Variants in BRPF1 observed in about 807,000 individuals in gnomAD.
BRPF1 encodes peregrin.
Under a neutral mutation model 115.0 loss-of-function variants are expected in BRPF1, and 15 were observed. That is an observed-to-expected ratio of 0.13 (90% confidence interval 0.09 to 0.20). BRPF1 has a LOEUF of 0.20. Ranked by LOEUF, BRPF1 falls within the 10% of genes least tolerant of loss-of-function variation. The probability of loss-of-function intolerance (pLI) is 1.00; values close to 1 mark genes in which losing one functional copy is unlikely to be tolerated. For missense variants in BRPF1, 1,118 were observed against 1,638.3 expected (o/e 0.68, Z 5.48); for synonymous variants, 647 against 619.8 (o/e 1.04, Z -0.65).
Position 9,747,435 on chromosome 3 carries a change from C to T in BRPF1, c.*86C>T. 6.6e-7 allele frequency: 1 copy of T among 1,504,492 alleles called. No individual in the cohort carries two copies. The highest frequency in any genetic ancestry group is 2.3e-5 in the East Asian group (1 of 43,774). The allele number at this position is 1,504,492 out of a possible 1,614,324, so 93.2% of individuals were successfully genotyped here. A position where few individuals can be genotyped will look rare whatever the true frequency, so the allele number is the denominator to read the frequency against. ...TGTCCTGGAGTGGCACCGGCCTCTG[C>T]ACTGACTCATTTCTGGTCTTGGGGC... is the stretch of plus-strand genomic sequence containing the variant. On this transcript the variant is annotated 3_prime_UTR_variant, in exon 14 of 14. Transcript: ENST00000383829. The surrounding 1 kb of genome is among the most constrained non-coding windows in gnomAD (Gnocchi z 5.6).
At chr3:9,741,180 T>C (rs1191649979) in intron 4 of BRPF1, 128 bp from the exon 5 acceptor site, 2 of 1,228,920 alleles carry the variant, frequency 1.6e-6, no homozygotes, top group African/African-American at 1.5e-5. Context: ...ACACACAGAT[T>C]GAGGCACTAC....
rs1288739229 is a variant in BRPF1, at chr3:9,739,687, G to A, written c.1288G>A (p.Gly430Ser). Residue 430 changes from glycine to serine, a missense_variant, in exon 3 of 14, where the codon GGC (glycine) becomes AGC (serine). Gly to Ser is a moderately conservative substitution (Grantham distance 56, BLOSUM62 0). Around this residue, in one of 10 missense-constraint regions of BRPF1, gnomAD observed 87 missense variants for 93.4 expected, o/e 0.93. Coordinates refer to ENST00000383829, the MANE Select transcript of BRPF1 (RefSeq NM_001003694.2). ...YMKMEPVRETGANGTSFSVRK... is the reference protein window; with the variant it reads ...YMKMEPVRETSANGTSFSVRK... ...GAAGATGGAGCCTGTGCGGGAGACAGGCGCCAACGGCACCTCTTTCAGTGT... is the reference window on the plus strand; with the variant it reads ...GAAGATGGAGCCTGTGCGGGAGACAAGCGCCAACGGCACCTCTTTCAGTGT... 1 of 1,613,366 alleles carries A rather than the reference G, an allele frequency of 6.2e-7. No individual in the cohort carries two copies.
Position 9,745,004 on chromosome 3 carries a change from C to G in BRPF1, c.2921-4C>G. The G allele has an allele frequency of 6.2e-7, 1 of 1,614,192 alleles. No homozygotes were observed. Among genetic ancestry groups the G allele is most frequent in the African/African-American group, 1.3e-5 (1 of 75,048 alleles). On this transcript the variant is annotated splice_region_variant and splice_polypyrimidine_tract_variant and intron_variant, in intron 9 of 13. Coordinates refer to ENST00000383829, the MANE Select transcript of BRPF1 (RefSeq NM_001003694.2). The surrounding 1 kb of genome is among the most constrained non-coding windows in gnomAD (Gnocchi z 5.1). Reference sequence around the variant, plus strand: ...CTTCCCTCCTCCCCTTCCCTTCAACCAAGACTTACCAGCCAATGGCTTCAG... The same window carrying G: ...CTTCCCTCCTCCCCTTCCCTTCAACGAAGACTTACCAGCCAATGGCTTCAG...
chr3:9,739,064 A>C lies in BRPF1; in HGVS notation c.665A>C (p.Tyr222Ser), dbSNP rs753195868. 3 of 1,612,288 alleles carry C rather than the reference A, an allele frequency of 1.9e-6. No homozygotes were observed. The highest frequency in any genetic ancestry group is 1.7e-5 in the Admixed American group (1 of 59,854). Residue 222 changes from tyrosine to serine, a missense_variant, in exon 3 of 14, where the codon TAC (tyrosine) becomes TCC (serine). By Grantham distance (144) the Tyr-to-Ser change is moderately radical. Coordinates refer to ENST00000383829, the MANE Select transcript of BRPF1 (RefSeq NM_001003694.2). ...EVEYDMDEED[Y>S]IWLDIMNERR... is the part of the protein sequence containing the mutation. ...GAGTATGACATGGACGAGGAGGACT[A>C]CATCTGGCTGGATATCATGAATGAG...
Position 9,740,779 on chromosome 3 carries a change from G to A in BRPF1, c.1560G>A (p.Arg520=). 6.2e-7 allele frequency: 1 copy of A among 1,613,786 alleles called. No individual in the cohort carries two copies. The highest frequency in any genetic ancestry group is 8.5e-7 in the Non-Finnish European group (1 of 1,179,730). ...VVSVPCIPPH[R]LSKITNRLTI... Reference sequence around the variant, plus strand: ...TTACTCTTTGTTTCCTGCCTCCCAGGCTTAGTAAAATCACCAACCGCCTGA... The same window carrying A: ...TTACTCTTTGTTTCCTGCCTCCCAGACTTAGTAAAATCACCAACCGCCTGA... The change falls in exon 4 of 14, where the codon AGG becomes AGA. Residue 520 remains arginine, a splice_region_variant and synonymous_variant. Transcript: ENST00000383829.
chr3:9,746,481 T>C, intron 13 of BRPF1, 27 bp downstream of exon 13: 2 of 1,539,608 alleles, frequency 1.3e-6, no homozygotes, highest in Non-Finnish European at 1.8e-6. Flanking sequence ...TTGGTGTGAC[T>C]CACAGCCACA....
rs2077083720 is a variant in BRPF1 at position 9,744,243 on chromosome 3, C to T, written c.2655C>T (p.Ser885=). 3.9e-6 allele frequency: 6 copies of T among 1,552,774 alleles called. No homozygotes were observed. Among genetic ancestry groups the T allele is most frequent in the African/African-American group, 1.4e-5 (1 of 72,518 alleles). ...CTCCAGGCCTGGGTCCCAACATGTC[C>T]TCAACCCCCGCACATGAGGTGGGCA... is the stretch of plus-strand genomic sequence containing the variant. ...ETSKGLGPNM[S]STPAHEVGRR... The change falls in exon 9 of 14, where the codon TCC becomes TCT. Residue 885 remains serine (S), a synonymous_variant. Coordinates refer to ENST00000383829, the MANE Select transcript of BRPF1 (RefSeq NM_001003694.2).
At chr3:9,741,184 G>A in intron 4 of BRPF1, 124 bp from the exon 5 acceptor site, 2 of 1,247,054 alleles carry the variant, frequency 1.6e-6, no homozygotes, top group Non-Finnish European at 2.2e-6. Context: ...ACAGATTGAG[G>A]CACTACCAAT....
Position 9,745,741 on chromosome 3 carries a change from G to A in BRPF1, c.3205+32G>A. 2.5e-6 allele frequency: 4 copies of A among 1,612,118 alleles called. No homozygotes were observed. Among genetic ancestry groups the A allele is most frequent in the Non-Finnish European group, 3.4e-6 (4 of 1,178,268 alleles). ...TCCCTTGCCCAAGGCCAGGGATGCT[G>A]GGGACCCAGTGTCAGGGTCTCGCCA... On this transcript the variant is annotated intron_variant, in intron 11 of 13. Transcript: ENST00000383829. This position sits in a 1 kb window ranked among gnomAD's most constrained non-coding sequence, Gnocchi z 5.1.
chr3:9,733,947 A>G (rs901793276), intron 1 of BRPF1, among the ~76,000 whole-genome samples, 184 bp from the exon 2 acceptor site: 1 of 152,190 alleles, frequency 6.6e-6, no homozygotes, highest in African/African-American at 2.4e-5. Flanking sequence ...TAACCAGGCA[A>G]GAGGTGATGA....
At chr3:9,742,384 C>T in intron 6 of BRPF1, 2 of 985,422 alleles carry the variant, frequency 2.0e-6, no homozygotes, top group Non-Finnish European at 2.4e-6. Flanking sequence ...GCACTCCTTC[C>T]CCAGAGGCAG....
chr3:9,741,038 C>G lies in BRPF1; in HGVS notation c.1722+97C>G. On this transcript the variant is annotated intron_variant, in intron 4 of 13. Coordinates refer to ENST00000383829, the MANE Select transcript of BRPF1 (RefSeq NM_001003694.2). Reference sequence around the variant, plus strand: ...AGTTTCCAGTGTCAGAGGGCTTAGACTCTTTCCTCCTTTAAGCTAGCCCTC... The same window carrying G: ...AGTTTCCAGTGTCAGAGGGCTTAGAGTCTTTCCTCCTTTAAGCTAGCCCTC... The G allele has an allele frequency of 2.3e-6, 3 of 1,320,768 alleles. No individual in the cohort carries two copies. The South Asian group carries it at 3.9e-5, about 17-fold the overall frequency. The allele number at this position is 1,320,768 out of a possible 1,614,324, so 81.8% of individuals were successfully genotyped here. A position where few individuals can be genotyped will look rare whatever the true frequency, so the allele number is the denominator to read the frequency against.
In BRPF1 at chr3:9,739,689, C is replaced by T. The variant is rs143662444; in HGVS notation, c.1290C>T (p.Gly430=). The T allele has an allele frequency of 9.8e-5, 158 of 1,613,358 alleles. 1 individual carries two copies. The highest frequency in any genetic ancestry group is 8.9e-5 in the East Asian group (4 of 44,848). Residue 430 remains glycine (G), a synonymous_variant, in exon 3 of 14, where the codon GGC becomes GGT. Transcript: ENST00000383829. ...YMKMEPVRET[G]ANGTSFSVRK... Reference sequence around the variant, plus strand: ...AGATGGAGCCTGTGCGGGAGACAGGCGCCAACGGCACCTCTTTCAGTGTCC... The same window carrying T: ...AGATGGAGCCTGTGCGGGAGACAGGTGCCAACGGCACCTCTTTCAGTGTCC...
rs376513326 is a variant in BRPF1, at chr3:9,745,176, G to A, written c.3068+21G>A. On this transcript the variant is annotated intron_variant, in intron 10 of 13. Coordinates refer to ENST00000383829, the MANE Select transcript of BRPF1 (RefSeq NM_001003694.2). The surrounding 1 kb of genome is among the most constrained non-coding windows in gnomAD (Gnocchi z 5.1). ...ACCAGGTACCAGCCCTCCAGATCGA[G>A]GCCAACCTCAGGGGATGCCCTTCCA... The A allele has an allele frequency of 3.5e-5, 56 of 1,611,156 alleles. No individual in the cohort carries two copies. The highest frequency in any genetic ancestry group is 4.2e-5 in the Non-Finnish European group (50 of 1,178,856).
Position 9,739,917 on chromosome 3 carries a change from A to G in BRPF1, c.1518A>G (p.Ala506=). The G allele has an allele frequency of 6.3e-7, 1 of 1,581,556 alleles. No homozygotes were observed. Among genetic ancestry groups the G allele is most frequent in the Non-Finnish European group, 8.6e-7 (1 of 1,164,176 alleles). The part of the protein sequence containing the change: ...KARKILAEKR[A]AAPVVSVPCI... ...GGAAGATCCTGGCAGAGAAGCGGGCAGCAGCACCTGTGGTGTCAGTGCCCT... is the reference window on the plus strand; with the variant it reads ...GGAAGATCCTGGCAGAGAAGCGGGCGGCAGCACCTGTGGTGTCAGTGCCCT... Residue 506 remains alanine, a synonymous_variant, in exon 3 of 14, where the codon GCA becomes GCG. Transcript: ENST00000383829.
At chr3:9,735,963 A>G (rs1227740979) in intron 2 of BRPF1, among the ~76,000 whole-genome samples, 1 of 149,420 alleles carries the variant, frequency 6.7e-6, no homozygotes, top group African/African-American at 2.5e-5. Context: ...TATGAAAAGC[A>G]TTTTTTACCA....
At position 9,734,419 on chromosome 3, in the gene BRPF1, A is replaced by G. The variant is rs766278211; in HGVS notation, c.279A>G (p.Ala93=). The change falls in exon 2 of 14, where the codon GCA becomes GCG. Residue 93 remains alanine, a synonymous_variant. Coordinates refer to ENST00000383829, the MANE Select transcript of BRPF1 (RefSeq NM_001003694.2). This position sits in a 1 kb window ranked among gnomAD's most constrained non-coding sequence, Gnocchi z 5.7. ...QSPGREVMSY[A]QAQRMVEVDL... is the part of the protein sequence containing the mutation. ...CAGGCCGTGAGGTGATGAGCTATGC[A>G]CAGGCCCAGCGCATGGTGGAGGTGG... 1 of 1,614,120 alleles carries G rather than the reference A, an allele frequency of 6.2e-7. No homozygotes were observed. The highest frequency in any genetic ancestry group is 2.2e-5 in the East Asian group (1 of 44,864).
chr3:9,731,762 T>TGCTGCCGCCGCC lies in BRPF1; in HGVS notation c.-380_-369dup, dbSNP rs1022220390. 1.1e-4 allele frequency: 18 copies of TGCTGCCGCCGCC among 157,418 alleles called. No homozygotes were observed. The highest frequency in any genetic ancestry group is 9.4e-4 in the East Asian group (5 of 5,320). The allele number at this position is 157,418 out of a possible 1,614,324, so 9.8% of individuals were successfully genotyped here. A position where few individuals can be genotyped will look rare whatever the true frequency, so the allele number is the denominator to read the frequency against. Reference sequence around the variant, plus strand: ...CCTGCGCAGACGCCGTCGCCGCCGCTGCTGCCGCCGCCGCTGCCACAGCCT... The same window carrying TGCTGCCGCCGCC: ...CCTGCGCAGACGCCGTCGCCGCCGCTGCTGCCGCCGCCGCTGCCGCCGCCGCTGCCACAGCCT... On this transcript the variant is annotated 5_prime_UTR_variant, in exon 1 of 14. Coordinates refer to ENST00000383829, the MANE Select transcript of BRPF1 (RefSeq NM_001003694.2).
At position 9,745,229 on chromosome 3, in the gene BRPF1, T is replaced by A; in HGVS notation, c.3068+74T>A. On this transcript the variant is annotated intron_variant, in intron 10 of 13. Transcript: ENST00000383829. This position sits in a 1 kb window ranked among gnomAD's most constrained non-coding sequence, Gnocchi z 5.1. ...GCTCTTGGGCCTGTGTAGGTTTCCC[T>A]GTTGGAAGTGGGGTGGCAGCCATCT... is the stretch of plus-strand genomic sequence containing the variant. 6.6e-7 allele frequency: 1 copy of A among 1,524,094 alleles called. No homozygotes were observed. The highest frequency in any genetic ancestry group is 8.8e-7 in the Non-Finnish European group (1 of 1,137,540). 94.4% of individuals were successfully genotyped at this position (1,524,094 alleles called of 1,614,324 possible).
Sources: allele counts gnomAD v4.1 joint callset (sites outside exome capture counted in the v4.1 genomes callset), GRCh38; gene constraint gnomAD v4.1.1; regional missense constraint gnomAD v4.1.1; non-coding constraint Gnocchi (gnomAD v3.1); transcripts MANE v1.5; gene names NCBI Gene and HGNC (gene_info 2026-07-23, HGNC 2026-07-21).